Variants in FBRSL1 observed in about 807,000 individuals in gnomAD.
The protein encoded by FBRSL1 is fibrosin like 1.
A neutral mutation model predicts 89.6 loss-of-function variants in FBRSL1; 51 were observed. The observed-to-expected ratio is 0.57, with a 90% confidence interval of 0.45 to 0.72. FBRSL1 has a LOEUF of 0.72. Ranked by LOEUF, FBRSL1 falls within the 30% of genes least tolerant of loss-of-function variation. FBRSL1 has a pLI of 0.00. For missense variants in FBRSL1, 1,618 were observed against 1,451.8 expected, an observed-to-expected ratio of 1.11 and a Z score of -1.86; for synonymous variants, 779 against 681.1, an observed-to-expected ratio of 1.14 and a Z score of -2.24.
At chr12:132,561,906 C>G (rs1468728990) in intron 5 of FBRSL1, among the ~76,000 whole-genome samples, 1 of 152,090 alleles carries the variant, frequency 6.6e-6, no homozygotes, top group East Asian at 1.9e-4. Flanking sequence ...TGTGAGGGGC[C>G]CAGATTTGGG....
At chr12:132,563,012 C>G in intron 5 of FBRSL1, among the ~76,000 whole-genome samples, 1 of 127,174 alleles carries the variant, frequency 7.9e-6, no homozygotes, top group South Asian at 2.7e-4. Flanking sequence ...GCACCCCACA[C>G]CTGGCCCCCA....
chr12:132,530,732 G>C (rs1231471022), intron 4 of FBRSL1, among the ~76,000 whole-genome samples: 2 of 137,010 alleles, frequency 1.5e-5, no homozygotes, highest in East Asian at 5.1e-4. Context: ...GGGCTGGGGG[G>C]TGGGGGGAGG....
chr12:132,552,859 T>C (rs1221694031), intron 5 of FBRSL1: 2 of 165,240 alleles, frequency 1.2e-5, no homozygotes, highest in Non-Finnish European at 2.6e-5. Flanking sequence ...CTGGACAGGC[T>C]GGAGGCCCCT....
rs566436836 is a variant in FBRSL1 at position 132,536,153 on chromosome 12, C to T, written c.615+8165C>T. ...GTGTACATGATGGTGTGTGAGTGCA[C>T]GTGTGCATGACTGTGTACACGATGG... On this transcript the variant is annotated intron_variant, in intron 4 of 18. Coordinates refer to ENST00000680143, the MANE Select transcript of FBRSL1 (RefSeq NM_001367871.1). 2.9e-4 allele frequency among the ~76,000 whole-genome samples: 25 copies of T among 84,854 alleles called. 1 individual carries two copies. The East Asian group carries it at 4.5e-3, about 15-fold the overall frequency. 55.7% of individuals were successfully genotyped at this position (84,854 alleles called of 152,430 possible).
intron 14 of FBRSL1, 150 bp downstream of exon 14, chr12:132,574,714 C>A: frequency 9.2e-7 from 1 of 1,092,430 alleles, no homozygotes; most frequent in Non-Finnish European, 1.3e-6. Flanking sequence ...CCTCTGGGTA[C>A]TGGGCTTTTA....
intron 2 of FBRSL1, among the ~76,000 whole-genome samples, chr12:132,522,711 C>T (rs999732068): frequency 6.6e-6 from 1 of 152,178 alleles, no homozygotes; most frequent in Non-Finnish European, 1.5e-5. Context: ...CTCAGCCTTC[C>T]TTCCCCACCC....
intron 5 of FBRSL1, among the ~76,000 whole-genome samples, chr12:132,555,832 G>A (rs1456746793): frequency 1.3e-5 from 2 of 152,230 alleles, no homozygotes; most frequent in Non-Finnish European, 2.9e-5. Context: ...CCCCATCTGA[G>A]GGTCAGGATG....
Position 132,548,041 on chromosome 12 carries a change from A to G in FBRSL1, c.645+9A>G, listed in dbSNP as rs568222638. 6.5e-7 allele frequency: 1 copy of G among 1,550,046 alleles called. No individual in the cohort carries two copies. Among genetic ancestry groups the G allele is most frequent in the East Asian group, 2.4e-5 (1 of 40,896 alleles). On this transcript the variant is annotated intron_variant, in intron 5 of 18. Coordinates refer to ENST00000680143, the MANE Select transcript of FBRSL1 (RefSeq NM_001367871.1). Reference sequence around the variant, plus strand: ...GCGGCCCGGACGACAAGGTAAGCCCAGCGTCCTCCTCCTGGGCTCGGCTGA... The same window carrying G: ...GCGGCCCGGACGACAAGGTAAGCCCGGCGTCCTCCTCCTGGGCTCGGCTGA...
chr12:132,581,611 C>T, intron 16 of FBRSL1, 95 bp downstream of exon 16: 3 of 1,496,476 alleles, frequency 2.0e-6, no homozygotes, highest in Non-Finnish European at 2.7e-6. Context: ...GCCCCGAGCC[C>T]CAGGGAGCCC....
intron 1 of FBRSL1, among the ~76,000 whole-genome samples, chr12:132,504,233 G>A (rs559085306): frequency 2.7e-4 from 8 of 29,974 alleles, no homozygotes; most frequent in South Asian, 2.3e-3. Context: ...AGGCAGCCCC[G>A]TCCCAAAGAG....
intron 8 of FBRSL1, 85 bp from the exon 9 acceptor site, chr12:132,570,983 C>G: frequency 3.3e-6 from 3 of 911,320 alleles, no homozygotes; most frequent in South Asian, 1.0e-4. Flanking sequence ...GCCCCGTGTC[C>G]CGGGATGGGA....
chr12:132,548,873 G>A (rs549893594), intron 5 of FBRSL1, among the ~76,000 whole-genome samples: 16 of 152,348 alleles, frequency 1.1e-4, no homozygotes, highest in Admixed American at 2.0e-4. Context: ...CGGACTGCAT[G>A]TGTGCGACGA....
chr12:132,503,145 C>G (rs776374844), intron 1 of FBRSL1, among the ~76,000 whole-genome samples: 1 of 151,148 alleles, frequency 6.6e-6, no homozygotes, highest in Non-Finnish European at 1.5e-5. Flanking sequence ...ACCCTACCTC[C>G]TTGCCCCTAG....
chr12:132,520,193 A>C (rs1488569488), intron 2 of FBRSL1, among the ~76,000 whole-genome samples: 8 of 80,152 alleles, frequency 1.0e-4, no homozygotes, highest in Admixed American at 1.3e-4. Context: ...CCTCCAGCAC[A>C]CCCTCCTTGC....
chr12:132,537,286 C>G (rs2036843628), intron 4 of FBRSL1, among the ~76,000 whole-genome samples: 1 of 152,132 alleles, frequency 6.6e-6, no homozygotes, highest in Admixed American at 6.5e-5. Flanking sequence ...CAGAGTGAGA[C>G]TGTTCCTGTC....
intron 5 of FBRSL1, among the ~76,000 whole-genome samples, chr12:132,548,526 C>CT (rs1270524735): frequency 9.2e-5 from 14 of 152,326 alleles, no homozygotes; most frequent in Admixed American, 7.8e-4. Context: ...AGCAGGATTC[C>CT]TGCAGCCTCA....
intron 5 of FBRSL1, among the ~76,000 whole-genome samples, chr12:132,556,250 T>C (rs1028109300): frequency 3.3e-5 from 5 of 152,278 alleles, no homozygotes; most frequent in African/African-American, 1.2e-4. Flanking sequence ...CCTCAGGCCT[T>C]GGGGGTCTGG....
chr12:132,573,471 T>C (rs1348552712), intron 11 of FBRSL1, among the ~76,000 whole-genome samples: 4 of 152,086 alleles, frequency 2.6e-5, no homozygotes, highest in African/African-American at 9.7e-5. Context: ...AAGGGATGTA[T>C]GTGGCCCACC....
At chr12:132,575,793 T>A (rs115889188) in intron 14 of FBRSL1, among the ~76,000 whole-genome samples, 2,876 of 152,328 alleles carry the variant, frequency 0.019, 92 homozygotes, top group African/African-American at 0.065. Context: ...CCCAGCATCA[T>A]CATGGCCAGT....
Sources: gnomAD v4.1 joint callset for allele counts (sites outside exome capture counted in the v4.1 genomes callset) on GRCh38, gnomAD v4.1.1 for gene constraint, MANE v1.5 for transcripts, NCBI Gene and HGNC (gene_info 2026-07-23, HGNC 2026-07-21) for gene names.